Variants in RYR2 observed in about 807,000 individuals in gnomAD.
The protein encoded by RYR2 is cardiac muscle ryanodine receptor-calcium release channel.
Under a neutral mutation model 601.1 loss-of-function variants are expected in RYR2, and 227 were observed. The observed-to-expected ratio is 0.38, with a 90% CI of 0.34 to 0.42. The LOEUF is 0.42. Among genes scored for constraint, RYR2 ranks in the 10% least tolerant of loss-of-function variants. RYR2 has a pLI of 1.00. For missense variants in RYR2, 4,646 were observed against 6,156.5 expected, an observed-to-expected ratio of 0.75 and a Z score of 8.21; for synonymous variants, 2,223 against 2,175.1, an observed-to-expected ratio of 1.02 and a Z score of -0.61.
chr1:237,611,067 C>A, intron 36 of RYR2, 79 bp downstream of exon 36: 2 of 1,234,714 alleles, frequency 1.6e-6, no homozygotes, highest in Non-Finnish European at 2.3e-6. Flanking sequence ...GGTAGTGGTG[C>A]GGGGCAGGGG....
At chr1:237,772,479 C>A (rs1170480310) in intron 86 of RYR2, among the ~76,000 whole-genome samples, 1 of 152,188 alleles carries the variant, frequency 6.6e-6, no homozygotes, top group African/African-American at 2.4e-5. Context: ...TTTGCAACTA[C>A]TACCATACAC....
At chr1:237,211,711 T>G (rs1682595741) in intron 1 of RYR2, among the ~76,000 whole-genome samples, 1 of 152,220 alleles carries the variant, frequency 6.6e-6, no homozygotes, top group Admixed American at 6.5e-5. Flanking sequence ...TAAAGAAATA[T>G]CAAGAATGCC....
At chr1:237,081,695 G>T (rs1008397981) in intron 1 of RYR2, among the ~76,000 whole-genome samples, 1 of 151,976 alleles carries the variant, frequency 6.6e-6, no homozygotes, top group Non-Finnish European at 1.5e-5. Context: ...TGGAAAGATG[G>T]TTTTATTGGC....
chr1:237,043,730 C>G (rs2148073056), intron 1 of RYR2, among the ~76,000 whole-genome samples: 1 of 150,400 alleles, frequency 6.6e-6, no homozygotes. Context: ...TACTTCTTTC[C>G]TCAGCAGTAC....
intron 17 of RYR2, among the ~76,000 whole-genome samples, chr1:237,480,383 A>G (rs1288074982): frequency 6.6e-6 from 1 of 150,424 alleles, no homozygotes; most frequent in Non-Finnish European, 1.5e-5. Context: ...CATCTCAAAA[A>G]AAAAAAAAAA....
intron 3 of RYR2, among the ~76,000 whole-genome samples, chr1:237,346,706 G>A (rs996632542): frequency 6.6e-6 from 1 of 152,108 alleles, no homozygotes; most frequent in African/African-American, 2.4e-5. Flanking sequence ...TTGGGCTAAT[G>A]TTTAATTAAG....
intron 4 of RYR2, among the ~76,000 whole-genome samples, chr1:237,359,637 T>G (rs1277749999): frequency 2.0e-5 from 3 of 152,154 alleles, no homozygotes; most frequent in African/African-American, 7.2e-5. Context: ...TTCTTTCTCC[T>G]TTCTCCCTCC....
intron 14 of RYR2, among the ~76,000 whole-genome samples, chr1:237,447,382 A>G (rs1470090111): frequency 2.0e-5 from 3 of 152,198 alleles, no homozygotes; most frequent in Admixed American, 6.5e-5. Flanking sequence ...AAATTTAACT[A>G]TTACTTTTCT....
At chr1:237,690,766 G>A (rs978373640) in intron 63 of RYR2, among the ~76,000 whole-genome samples, 1 of 152,156 alleles carries the variant, frequency 6.6e-6, no homozygotes, top group Non-Finnish European at 1.5e-5. Flanking sequence ...AGGAGGCTGG[G>A]GTGGGAGGAT....
chr1:237,627,886 G>A lies in RYR2; in HGVS notation c.6246G>A (p.Arg2082=). The A allele has an allele frequency of 6.2e-7, 1 of 1,613,856 alleles. No individual in the cohort carries two copies. The highest frequency in any genetic ancestry group is 1.1e-5 in the South Asian group (1 of 91,068). ...ESVIEDPELV[R]AMFVLLHRQY... ...TCATTGAAGACCCCGAGCTGGTGAGGGCCATGTTTGTGTTGCTCCATCGGC... is the reference window on the plus strand; with the variant it reads ...TCATTGAAGACCCCGAGCTGGTGAGAGCCATGTTTGTGTTGCTCCATCGGC... The change falls in exon 41 of 105, where the codon AGG becomes AGA. Residue 2082 remains arginine (R), a synonymous_variant. Coordinates refer to ENST00000366574, the MANE Select transcript of RYR2 (RefSeq NM_001035.3).
In RYR2 at chr1:237,723,224, G is replaced by A; in HGVS notation, c.10651G>A (p.Val3551Ile). ...TSDPEKTVER[V>I]LDIANVLFHL... ...AGATCCAGAGAAGACGGTAGAAAGA[G>A]TATTGGATATAGCAAATGTGCTTTT... Residue 3551 changes from valine to isoleucine, a missense_variant, in exon 74 of 105, where the codon GTA becomes ATA. By Grantham distance (29) the Val-to-Ile change is conservative. Coordinates refer to ENST00000366574, the MANE Select transcript of RYR2 (RefSeq NM_001035.3). The A allele has an allele frequency of 1.2e-6, 2 of 1,611,978 alleles. No individual in the cohort carries two copies. Among genetic ancestry groups the A allele is most frequent in the Non-Finnish European group, 1.7e-6 (2 of 1,178,310 alleles).
intron 1 of RYR2, among the ~76,000 whole-genome samples, chr1:237,254,086 G>GA (rs1471055877): frequency 1.3e-5 from 2 of 152,130 alleles, no homozygotes; most frequent in Non-Finnish European, 2.9e-5. Flanking sequence ...ACATATCCCA[G>GA]AAACAAGATT....
intron 1 of RYR2, among the ~76,000 whole-genome samples, chr1:237,174,884 A>G (rs970082346): frequency 6.6e-6 from 1 of 152,210 alleles, no homozygotes; most frequent in Admixed American, 6.5e-5. Context: ...ACATTAACAA[A>G]AAAGTCCCTG....
intron 1 of RYR2, among the ~76,000 whole-genome samples, chr1:237,218,870 G>A (rs1322830248): frequency 1.3e-5 from 2 of 152,010 alleles, no homozygotes; most frequent in Non-Finnish European, 2.9e-5. Context: ...GGATGCTTTT[G>A]GCTGTAAGTA....
chr1:237,732,242 C>A (rs1690755453), intron 78 of RYR2, 93 bp downstream of exon 78: 4 of 704,032 alleles, frequency 5.7e-6, no homozygotes, highest in Non-Finnish European at 9.5e-6. Context: ...GTTTTAAGTT[C>A]ATCTTGTTGT....
At chr1:237,043,126 G>A (rs1660129705) in intron 1 of RYR2, among the ~76,000 whole-genome samples, 1 of 152,238 alleles carries the variant, frequency 6.6e-6, no homozygotes, top group South Asian at 2.1e-4. Flanking sequence ...CGGGGGCGGG[G>A]GTGATGGTGC....
chr1:237,380,395 TA>T (rs1308834784), intron 8 of RYR2, among the ~76,000 whole-genome samples: 411 of 36,162 alleles, frequency 0.011, 39 homozygotes, highest in African/African-American at 0.029. Flanking sequence ...TATATATATA[TA>T]TATATATATA....
chr1:237,790,564 T>A (rs1418696334), intron 92 of RYR2, among the ~76,000 whole-genome samples: 1 of 152,084 alleles, frequency 6.6e-6, no homozygotes, highest in Non-Finnish European at 1.5e-5. Flanking sequence ...TAGAATAAAA[T>A]AATAATTATA....
chr1:237,242,713 T>C, intron 1 of RYR2, among the ~76,000 whole-genome samples: 1 of 152,198 alleles, frequency 6.6e-6, no homozygotes, highest in Non-Finnish European at 1.5e-5. Flanking sequence ...TGAAATTTCC[T>C]ACAGAAAATG....
Sources: gnomAD v4.1 joint callset for allele counts (sites outside exome capture counted in the v4.1 genomes callset) on GRCh38, gnomAD v4.1.1 for gene constraint, MANE v1.5 for transcripts, NCBI Gene and HGNC (gene_info 2026-07-23, HGNC 2026-07-21) for gene names.